Variants in BSCL2 observed in about 807,000 individuals in gnomAD.
BSCL2 encodes the protein seipin.
Under a neutral mutation model 57.4 loss-of-function variants are expected in BSCL2, and 41 were observed. That is an observed-to-expected ratio of 0.71 (90% CI 0.56 to 0.93). The LOEUF (loss-of-function observed/expected upper bound fraction) is 0.93. BSCL2 is among the 40% of genes least tolerant of loss of function. The pLI is 0.00. For synonymous variants in BSCL2, 237 were observed against 227.3 expected (o/e 1.04, Z -0.38); for missense variants, 539 against 586.7 (o/e 0.92, Z 0.84).
rs2083556425 is a variant in BSCL2, at chr11:62,707,221, T to C, written c.-26A>G. The stretch of plus-strand genomic sequence containing the variant: ...CTTCCTGACGAGCCTCTGTTGACTC[T>C]GGATCTTCCACTGAGTCACTTGTGG... On this transcript the variant is annotated 5_prime_UTR_variant, in exon 1 of 11. Coordinates refer to ENST00000360796, the MANE Select transcript of BSCL2 (RefSeq NM_001122955.4). 6 of 1,543,814 alleles carry C rather than the reference T, an allele frequency of 3.9e-6. No individual in the cohort carries two copies. In the African/African-American group the frequency reaches 5.5e-5, roughly 14 times the overall value.
Position 62,690,483 on chromosome 11 carries a change from C to T in BSCL2, c.1273G>A (p.Ala425Thr). Reference sequence around the variant, plus strand: ...GCAGGAGCAGGAGCAGGCAGGTTGGCCTCCGTCAGCAAAGCTGCATCTTCC... The same window carrying T: ...GCAGGAGCAGGAGCAGGCAGGTTGGTCTCCGTCAGCAAAGCTGCATCTTCC... ...SWEDAALLTE[A>T]NLPAPAPASA... Residue 425 changes from alanine (A) to threonine (T), a missense_variant, in exon 11 of 11, where the codon GCC (alanine) becomes ACC (threonine). Around this residue, in one of 3 missense-constraint regions of BSCL2, gnomAD observed 248 missense variants for 239.9 expected, o/e 1.03. Transcript: ENST00000360796. The T allele has an allele frequency of 6.2e-7, 1 of 1,614,130 alleles. No homozygotes were observed. The highest frequency in any genetic ancestry group is 1.1e-5 in the South Asian group (1 of 91,092).
At chr11:62,700,273 A>C (rs929757391) in intron 3 of BSCL2, among the ~76,000 whole-genome samples, 1 of 151,860 alleles carries the variant, frequency 6.6e-6, no homozygotes, top group African/African-American at 2.4e-5. Flanking sequence ...CCCAGACTCT[A>C]TAGGTTATAC....
At chr11:62,708,777 GAGA>G (rs1279576721), upstream of BSCL2, 6 of 1,613,896 alleles carry the variant, frequency 3.7e-6, no homozygotes, top group Non-Finnish European at 3.4e-6. Flanking sequence ...CCCCTTCCGG[GAGA>G]AGAAGTTCTT....
At chr11:62,699,915 G>T (rs1320474785) in intron 3 of BSCL2, among the ~76,000 whole-genome samples, 2 of 151,098 alleles carry the variant, frequency 1.3e-5, no homozygotes, top group Non-Finnish European at 3.0e-5. Context: ...CTGACCTCAG[G>T]TGACCCACCT....
chr11:62,706,390 G>A (rs1369744631), intron 1 of BSCL2: 4 of 837,036 alleles, frequency 4.8e-6, no homozygotes, highest in Non-Finnish European at 6.4e-6. Flanking sequence ...CCAGCACGGC[G>A]GGGCGGGGCG....
intron 5 of BSCL2, 53 bp from the exon 6 acceptor site, chr11:62,692,526 C>G: frequency 1.2e-6 from 2 of 1,610,304 alleles, no homozygotes; most frequent in Non-Finnish European, 1.7e-6. Flanking sequence ...GCCGCTAGCA[C>G]TCTTACCCGC....
chr11:62,700,532 T>G (rs1945605960), intron 3 of BSCL2, among the ~76,000 whole-genome samples: 1 of 152,092 alleles, frequency 6.6e-6, no homozygotes, highest in African/African-American at 2.4e-5. Flanking sequence ...CCCCAGCTAC[T>G]TGGGAGGCTG....
At chr11:62,708,655 T>C (rs2083583485), upstream of BSCL2, 5 of 1,613,002 alleles carry the variant, frequency 3.1e-6, no homozygotes, top group Admixed American at 1.7e-5. Context: ...TGGCTAACAA[T>C]ACCCTTCCTG....
At chr11:62,692,256 C>G in intron 6 of BSCL2, 120 bp downstream of exon 6, 1 of 1,018,220 alleles carries the variant, frequency 9.8e-7, no homozygotes, top group Non-Finnish European at 1.5e-6. Flanking sequence ...GACCCTCTGG[C>G]CTATGTGAAA....
chr11:62,690,826 T>G lies in BSCL2; in HGVS notation c.1114A>C (p.Thr372Pro), dbSNP rs1945289771. ...TCTTCAGGGCTCTCACCATCCTCTGTAACATCTGATTGCGGAGTTGACTCC... is the reference window on the plus strand; with the variant it reads ...TCTTCAGGGCTCTCACCATCCTCTGGAACATCTGATTGCGGAGTTGACTCC... ...QEESTPQSDVTEDGESPEDPS... is the reference protein window; with the variant it reads ...QEESTPQSDVPEDGESPEDPS... Residue 372 changes from threonine to proline, a missense_variant, in exon 9 of 11, where the codon ACA becomes CCA. Physicochemically the swap from Thr to Pro is conservative, Grantham distance 38 (BLOSUM62 -1). Transcript: ENST00000360796. 1 of 1,613,734 alleles carries G rather than the reference T, an allele frequency of 6.2e-7. No homozygotes were observed. The highest frequency in any genetic ancestry group is 2.2e-5 in the East Asian group (1 of 44,876).
At position 62,692,448 on chromosome 11, in the gene BSCL2, A is replaced by G. The variant is rs1295988761; in HGVS notation, c.791T>C (p.Ile264Thr). The G allele has an allele frequency of 6.2e-7, 1 of 1,614,042 alleles. No homozygotes were observed. Among genetic ancestry groups the G allele is most frequent in the Non-Finnish European group, 8.5e-7 (1 of 1,180,008 alleles). Residue 264 changes from isoleucine (I) to threonine (T), a missense_variant, in exon 6 of 11, where the codon ATT (isoleucine) becomes ACT (threonine). By Grantham distance (89) the Ile-to-Thr change is moderately conservative (BLOSUM62 -1). Transcript: ENST00000360796. ...CTGGATGCGCTTGCTGTGGATCTCA[A>G]TGATCGCTCCAGTGGTCGGCACGTA... Reference protein sequence around the residue: ...NSYVPTTGAIIEIHSKRIQLY... With the variant: ...NSYVPTTGAITEIHSKRIQLY...
chr11:62,691,748 C>G (rs754006839), intron 6 of BSCL2, among the ~76,000 whole-genome samples: 46 of 152,226 alleles, frequency 3.0e-4, no homozygotes, highest in Non-Finnish European at 3.8e-4. Context: ...CCTCGGGGTG[C>G]TTTAAAACAT....
At chr11:62,703,608 C>CTT (rs1945717215) in intron 2 of BSCL2, among the ~76,000 whole-genome samples, 1 of 151,412 alleles carries the variant, frequency 6.6e-6, no homozygotes, top group Non-Finnish European at 1.5e-5. Flanking sequence ...GCCTCGGCCT[C>CTT]CCAAAGTGCT....
In BSCL2 at chr11:62,690,445, GGCAGAA is replaced by G. The variant is rs747175358; in HGVS notation, c.1305_1310del (p.Ser436_Ala437del). ...AGCTGCCCAGAGTCTCTAGGACAGG[GGCAGAA>G]GCAGAAGCAGGAGCAGGAGCAGGCA... On this transcript the variant is annotated inframe_deletion, in exon 11 of 11. Coordinates refer to ENST00000360796, the MANE Select transcript of BSCL2 (RefSeq NM_001122955.4). 98 of 1,614,040 alleles carry G rather than the reference GGCAGAA, an allele frequency of 6.1e-5. No individual in the cohort carries two copies. In the African/African-American group the frequency reaches 1.0e-3, roughly 17 times the overall value.
Position 62,692,390 on chromosome 11 carries a change from G to T in BSCL2, c.849C>A (p.His283Gln). The T allele has an allele frequency of 6.2e-7, 1 of 1,614,186 alleles. No homozygotes were observed. The highest frequency in any genetic ancestry group is 8.5e-7 in the Non-Finnish European group (1 of 1,180,032). The change falls in exon 6 of 11, where the codon CAC (histidine) becomes CAA (glutamine). Residue 283 changes from histidine (H) to glutamine (Q), a missense_variant. His to Gln is a conservative substitution (Grantham distance 24, BLOSUM62 0). Coordinates refer to ENST00000360796, the MANE Select transcript of BSCL2 (RefSeq NM_001122955.4). ...LYGAYLRIHA[H>Q]FTGLRYLLYN... Reference sequence around the variant, plus strand: ...TGGCCCCTCACCTGAGCCCAGTGAAGTGCGCGTGGATGCGGAGGTAGGCTC... The same window carrying T: ...TGGCCCCTCACCTGAGCCCAGTGAATTGCGCGTGGATGCGGAGGTAGGCTC...
intron 3 of BSCL2, among the ~76,000 whole-genome samples, chr11:62,695,082 T>C (rs1945417065): frequency 6.6e-6 from 1 of 152,192 alleles, no homozygotes; most frequent in Non-Finnish European, 1.5e-5. Flanking sequence ...CTCTCTTACA[T>C]TATTAATCAA....
chr11:62,706,393 GCGGGGCGGGA>G lies in BSCL2; in HGVS notation c.87+706_87+715del, dbSNP rs1023506876. The G allele has an allele frequency of 8.6e-5, 73 of 851,562 alleles. 1 individual carries two copies. Among genetic ancestry groups the G allele is most frequent in the South Asian group, 8.2e-4 (47 of 57,356 alleles). 52.8% of individuals were successfully genotyped at this position (851,562 alleles called of 1,614,324 possible). A position where few individuals can be genotyped will look rare whatever the true frequency, so the allele number is the denominator to read the frequency against. On this transcript the variant is annotated intron_variant, in intron 1 of 10. Coordinates refer to ENST00000360796, the MANE Select transcript of BSCL2 (RefSeq NM_001122955.4). ...CCAGGGCGGGGTCCAGCACGGCGGG[GCGGGGCGGGA>G]CGGGGCGGAGCCTTCCCGAGCTGCG...
At chr11:62,704,529 G>C (rs570627508) in intron 2 of BSCL2, among the ~76,000 whole-genome samples, 2 of 152,036 alleles carry the variant, frequency 1.3e-5, no homozygotes, top group Non-Finnish European at 2.9e-5. Context: ...CTGGGCGACA[G>C]AGCAAGACTC....
At chr11:62,696,618 G>A (rs1054858782) in intron 3 of BSCL2, among the ~76,000 whole-genome samples, 2 of 151,968 alleles carry the variant, frequency 1.3e-5, no homozygotes, top group African/African-American at 2.4e-5. Context: ...GTGCAGTGGT[G>A]TGATCACAGC....
Sources: gnomAD v4.1 joint callset for allele counts (sites outside exome capture counted in the v4.1 genomes callset) on GRCh38, gnomAD v4.1.1 for gene constraint, gnomAD v4.1.1 regional missense constraint, MANE v1.5 for transcripts, NCBI Gene and HGNC (gene_info 2026-07-23, HGNC 2026-07-21) for gene names.